The following GALNT7 variants were observed in gnomAD, a reference collection of about 807,000 sequenced individuals.
GALNT7 encodes the protein polypeptide N-acetylgalactosaminyltransferase 7, also known as N-acetylgalactosaminyltransferase 7.
GALNT7 carries 60 observed loss-of-function variants against 82.1 expected under a neutral mutation model. The observed-to-expected ratio is 0.73, with a 90% CI of 0.59 to 0.91. GALNT7 has a LOEUF of 0.91. GALNT7 is among the 40% of genes least tolerant of loss of function. GALNT7 has a pLI of 0.00. For missense variants in GALNT7, 660 were observed against 804.2 expected (o/e 0.82, Z 2.17); for synonymous variants, 243 against 275.1 (o/e 0.88, Z 1.15).
chr4:173,284,278 C>G (rs1736228946), intron 2 of GALNT7, among the ~76,000 whole-genome samples: 1 of 152,162 alleles, frequency 6.6e-6, no homozygotes, highest in Non-Finnish European at 1.5e-5. Context: ...CAACAATTGT[C>G]TGTAAATGAC....
intron 9 of GALNT7, 85 bp downstream of exon 9, chr4:173,314,261 G>A (rs958947122): frequency 2.2e-6 from 2 of 922,708 alleles, no homozygotes; most frequent in Admixed American, 1.8e-5. Context: ...TAAGAGGGAA[G>A]TATTCTTGGG....
At chr4:173,232,874 C>T (rs1205269391) in intron 1 of GALNT7, among the ~76,000 whole-genome samples, 1 of 152,236 alleles carries the variant, frequency 6.6e-6, no homozygotes, top group Non-Finnish European at 1.5e-5. Context: ...TGTTTGTACC[C>T]ATTAACCAAT....
intron 5 of GALNT7, among the ~76,000 whole-genome samples, chr4:173,296,557 C>A (rs976863758): frequency 6.6e-5 from 10 of 152,164 alleles, no homozygotes; most frequent in African/African-American, 2.4e-4. Context: ...CTGATTTAAT[C>A]CTCACAGCAA....
At chr4:173,321,478 C>T in intron 11 of GALNT7, 102 bp from the exon 12 acceptor site, 1 of 776,702 alleles carries the variant, frequency 1.3e-6, no homozygotes, top group South Asian at 1.7e-5. Flanking sequence ...GAAGCTTTTC[C>T]ATTTCCTTAA....
chr4:173,176,110 G>A (rs1475479867), intron 1 of GALNT7, among the ~76,000 whole-genome samples: 2 of 152,124 alleles, frequency 1.3e-5, no homozygotes, highest in Non-Finnish European at 2.9e-5. Flanking sequence ...AAGAGAATGG[G>A]TTGGAAGGGA....
rs1579995975 is a variant in GALNT7, at chr4:173,292,128, A to T, written c.608A>T (p.Asp203Val). Residue 203 changes from aspartate (D) to valine (V), a missense_variant, in exon 3 of 12, where the codon GAT becomes GTT. Transcript: ENST00000265000. This position sits in a 1 kb window ranked among gnomAD's most constrained non-coding sequence, Gnocchi z 4.8. ...TACAGATGCAAGTATTGGCATTATG[A>T]TGAAAACTTGCTCACTTCGAGCGTT... The part of the protein sequence containing the change: ...RQEECKYWHY[D>V]ENLLTSSVVI... The T allele has an allele frequency of 6.2e-7, 1 of 1,607,916 alleles. No individual in the cohort carries two copies.
chr4:173,272,818 A>G (rs1735777235), intron 2 of GALNT7, among the ~76,000 whole-genome samples: 1 of 152,244 alleles, frequency 6.6e-6, no homozygotes, highest in Non-Finnish European at 1.5e-5. Context: ...TACTAACCCC[A>G]GAAAATGTCT....
intron 1 of GALNT7, among the ~76,000 whole-genome samples, chr4:173,222,388 C>T (rs1056501078): frequency 3.3e-5 from 5 of 152,188 alleles, no homozygotes; most frequent in African/African-American, 1.2e-4. Flanking sequence ...TCTCCTGCCT[C>T]AGTCTCCTGA....
At chr4:173,260,207 A>G (rs1012991482) in intron 2 of GALNT7, among the ~76,000 whole-genome samples, 3 of 152,224 alleles carry the variant, frequency 2.0e-5, no homozygotes, top group Non-Finnish European at 4.4e-5. Flanking sequence ...AAGATGTACA[A>G]TGAAGCTAAT....
intron 2 of GALNT7, among the ~76,000 whole-genome samples, chr4:173,271,445 G>GTTTA (rs1334014664): frequency 1.8e-4 from 27 of 152,096 alleles, no homozygotes; most frequent in African/African-American, 6.5e-4. Context: ...CTGTTTGTTT[G>GTTTA]TTTGTTTATT....
At position 173,193,476 on chromosome 4, in the gene GALNT7, CT is replaced by C. The variant is rs1732686148; in HGVS notation, c.126+24516del. ...GTGTCTCATCTGTCTTTTCTCTCCC[CT>C]CACCCCAACTTTATTTTTTTTAAAG... is the stretch of plus-strand genomic sequence containing the variant. On this transcript the variant is annotated intron_variant, in intron 1 of 11. Coordinates refer to ENST00000265000, the MANE Select transcript of GALNT7 (RefSeq NM_017423.3). 2.0e-5 allele frequency among the ~76,000 whole-genome samples: 3 copies of C among 152,252 alleles called. No homozygotes were observed. The South Asian group carries it at 6.2e-4, about 32-fold the overall frequency.
intron 1 of GALNT7, among the ~76,000 whole-genome samples, chr4:173,173,184 G>A (rs1460742233): frequency 6.6e-6 from 1 of 152,046 alleles, no homozygotes; most frequent in East Asian, 1.9e-4. Flanking sequence ...GTTTCATTAT[G>A]GAAAGTTCTC....
Position 173,248,327 on chromosome 4 carries a change from G to C in GALNT7, c.474G>C (p.Leu158Phe). 1 of 1,613,740 alleles carries C rather than the reference G, an allele frequency of 6.2e-7. No individual in the cohort carries two copies. Among genetic ancestry groups the C allele is most frequent in the South Asian group, 1.1e-5 (1 of 91,080 alleles). ...GPGEKAKPLV[L>F]GPEFKQAIQA... Reference sequence around the variant, plus strand: ...GAGAGAAAGCCAAGCCATTGGTTTTGGGACCAGAATTCAAACAAGCAATTC... The same window carrying C: ...GAGAGAAAGCCAAGCCATTGGTTTTCGGACCAGAATTCAAACAAGCAATTC... Residue 158 changes from leucine (L) to phenylalanine (F), a missense_variant, in exon 2 of 12, where the codon TTG (leucine) becomes TTC (phenylalanine). Coordinates refer to ENST00000265000, the MANE Select transcript of GALNT7 (RefSeq NM_017423.3).
At chr4:173,222,892 G>A (rs1432888068) in intron 1 of GALNT7, among the ~76,000 whole-genome samples, 4 of 152,108 alleles carry the variant, frequency 2.6e-5, no homozygotes, top group African/African-American at 9.7e-5. Flanking sequence ...TGACTATTAA[G>A]GTTAGATGTT....
At chr4:173,219,571 GT>G (rs1387533639) in intron 1 of GALNT7, among the ~76,000 whole-genome samples, 1 of 152,172 alleles carries the variant, frequency 6.6e-6, no homozygotes, top group Non-Finnish European at 1.5e-5. Flanking sequence ...TCTCCACACT[GT>G]TTTCCACAGT....
At position 173,281,952 on chromosome 4, in the gene GALNT7, T is replaced by C. The variant is rs540688354; in HGVS notation, c.588-10156T>C. Among the ~76,000 whole-genome samples the C allele has an allele frequency of 4.6e-5, 7 of 152,228 alleles. No homozygotes were observed. The South Asian group carries it at 1.2e-3, about 27-fold the overall frequency. ...AACAAGTACCCGGGGTTCTTTGTCC[T>C]GCATCCAAAAAAATTAAGGAGCATG... On this transcript the variant is annotated intron_variant, in intron 2 of 11. Coordinates refer to ENST00000265000, the MANE Select transcript of GALNT7 (RefSeq NM_017423.3).
intron 1 of GALNT7, among the ~76,000 whole-genome samples, chr4:173,211,122 C>T (rs1201526354): frequency 6.6e-6 from 1 of 151,970 alleles, no homozygotes; most frequent in Non-Finnish European, 1.5e-5. Flanking sequence ...TACTCAATAG[C>T]TACATATGAA....
intron 2 of GALNT7, among the ~76,000 whole-genome samples, chr4:173,286,726 T>C (rs926708997): frequency 2.0e-5 from 3 of 152,220 alleles, no homozygotes; most frequent in Admixed American, 6.5e-5. Context: ...AGTTTCGTTA[T>C]GAGGTGGTAT....
chr4:173,209,730 C>CT (rs1733210665), intron 1 of GALNT7, among the ~76,000 whole-genome samples: 1 of 152,226 alleles, frequency 6.6e-6, no homozygotes, highest in Admixed American at 6.5e-5. Flanking sequence ...CTTTCCCACC[C>CT]TACCTGCCAG....
Sources: gnomAD v4.1 joint callset for allele counts (sites outside exome capture counted in the v4.1 genomes callset) on GRCh38, gnomAD v4.1.1 for gene constraint, Gnocchi (gnomAD v3.1) non-coding constraint, MANE v1.5 for transcripts, NCBI Gene and HGNC (gene_info 2026-07-23, HGNC 2026-07-21) for gene names.